The following LANCL2 variants were observed in gnomAD, a reference collection of about 807,000 sequenced individuals.
The protein encoded by LANCL2 is LanC like glutathione S-transferase 2.
Under a neutral mutation model 56.9 loss-of-function variants are expected in LANCL2, and 33 were observed. That is an observed-to-expected ratio of 0.58 (90% CI 0.44 to 0.78). The LOEUF is 0.78. Ranked by LOEUF, LANCL2 falls within the 30% of genes least tolerant of loss-of-function variation. The pLI is 0.00. For missense variants in LANCL2, 562 were observed against 580.2 expected (o/e 0.97, Z 0.32); for synonymous variants, 233 against 228.2 (o/e 1.02, Z -0.19).
chr7:55,377,255 T>C (rs1050612866), intron 1 of LANCL2, among the ~76,000 whole-genome samples: 1 of 152,226 alleles, frequency 6.6e-6, no homozygotes, highest in Non-Finnish European at 1.5e-5. Flanking sequence ...TATGTGTATA[T>C]GTTCTAGCAA....
intron 1 of LANCL2, among the ~76,000 whole-genome samples, chr7:55,374,172 C>G (rs553405963): frequency 2.0e-5 from 3 of 151,650 alleles, no homozygotes; most frequent in African/African-American, 7.3e-5. Context: ...TGTCACTTAA[C>G]AGTTTGTCCT....
intron 8 of LANCL2, among the ~76,000 whole-genome samples, chr7:55,430,952 C>T (rs1012993145): frequency 7.2e-5 from 11 of 152,204 alleles, no homozygotes; most frequent in Non-Finnish European, 1.0e-4. Context: ...ACTTCCATAG[C>T]GATTCTGTGA....
chr7:55,402,271 G>A (rs1442115077), intron 5 of LANCL2, among the ~76,000 whole-genome samples: 4 of 113,598 alleles, frequency 3.5e-5, no homozygotes, highest in African/African-American at 1.0e-4. Context: ...CCTCCCTCCC[G>A]GACGGGGCGG....
chr7:55,403,470 G>A (rs967914161), intron 5 of LANCL2, among the ~76,000 whole-genome samples: 2 of 152,052 alleles, frequency 1.3e-5, no homozygotes, highest in Admixed American at 1.3e-4. Flanking sequence ...GAGGGAGAGG[G>A]AGAGGAGGAG....
intron 2 of LANCL2, chr7:55,394,014 G>A (rs1790222218): frequency 2.0e-5 from 3 of 152,242 alleles, no homozygotes; most frequent in Middle Eastern, 3.4e-3. Context: ...TGATCGTTAG[G>A]TTCCAAACTG....
At chr7:55,425,566 C>A in intron 7 of LANCL2, 136 bp downstream of exon 7, 1 of 776,438 alleles carries the variant, frequency 1.3e-6, no homozygotes, top group Non-Finnish European at 2.1e-6. Context: ...TCTTCTGGCA[C>A]AGCCTTATCT....
chr7:55,415,621 C>CTTTTTTATTTTTTTTTTTTT (rs1790527240), intron 6 of LANCL2, among the ~76,000 whole-genome samples: 1 of 111,770 alleles, frequency 8.9e-6, no homozygotes, highest in African/African-American at 3.2e-5. Flanking sequence ...GTTTTTCTTT[C>CTTTTTTATTTTTTTTTTTTT]TTTTTTTTGA....
chr7:55,368,276 A>G lies in LANCL2; in HGVS notation c.204+2047A>G, dbSNP rs140764453. Among the ~76,000 whole-genome samples the G allele has an allele frequency of 2.8e-4, 43 of 152,328 alleles. 2 individuals carry two copies. Among genetic ancestry groups the G allele is most frequent in the African/African-American group, 1.0e-3 (42 of 41,578 alleles). Reference sequence around the variant, plus strand: ...CTGGATAAATGTGATTTTTGACCTCAGTTATATACCTGATTTATGTTGAAA... The same window carrying G: ...CTGGATAAATGTGATTTTTGACCTCGGTTATATACCTGATTTATGTTGAAA... On this transcript the variant is annotated intron_variant, in intron 1 of 8. Transcript: ENST00000254770.
chr7:55,399,632 C>T (rs1372480790), intron 3 of LANCL2, among the ~76,000 whole-genome samples: 2 of 152,130 alleles, frequency 1.3e-5, no homozygotes, highest in Non-Finnish European at 2.9e-5. Context: ...CGTGAGCCAC[C>T]GTGCCCGGCC....
intron 1 of LANCL2, among the ~76,000 whole-genome samples, chr7:55,380,495 C>T: frequency 6.6e-6 from 1 of 151,940 alleles, no homozygotes; most frequent in African/African-American, 2.4e-5. Flanking sequence ...GGAGGACTCC[C>T]TGTATAAAAC....
At chr7:55,415,541 C>G (rs1267978463) in intron 6 of LANCL2, among the ~76,000 whole-genome samples, 3 of 151,796 alleles carry the variant, frequency 2.0e-5, no homozygotes, top group Non-Finnish European at 1.5e-5. Flanking sequence ...TTTTTTTCCT[C>G]CTTACTCAAG....
chr7:55,366,046 G>T lies in LANCL2; in HGVS notation c.21G>T (p.Lys7Asn). 6 of 1,505,082 alleles carry T rather than the reference G, an allele frequency of 4.0e-6. No individual in the cohort carries two copies. The highest frequency in any genetic ancestry group is 5.3e-6 in the Non-Finnish European group (6 of 1,121,586). The allele number at this position is 1,505,082 out of a possible 1,614,324, so 93.2% of individuals were successfully genotyped here. Reference sequence around the variant, plus strand: ...CGGAGATGGGCGAGACCATGTCAAAGAGGCTGAAGCTCCACCTGGGAGGGG... The same window carrying T: ...CGGAGATGGGCGAGACCATGTCAAATAGGCTGAAGCTCCACCTGGGAGGGG... The part of the protein sequence containing the change: MGETMS[K>N]RLKLHLGGEA... Residue 7 changes from lysine (K) to asparagine (N), a missense_variant, in exon 1 of 9, where the codon AAG becomes AAT. By Grantham distance (94) the Lys-to-Asn change is moderately conservative. Coordinates refer to ENST00000254770, the MANE Select transcript of LANCL2 (RefSeq NM_018697.4).
intron 6 of LANCL2, among the ~76,000 whole-genome samples, chr7:55,414,175 A>G (rs550823231): frequency 2.0e-5 from 3 of 152,332 alleles, no homozygotes; most frequent in African/African-American, 7.2e-5. Context: ...AGTGTAGACT[A>G]AAGCTCTCTG....
rs561882807 is a variant in LANCL2 at position 55,366,711 on chromosome 7, G to A, written c.204+482G>A. Among the ~76,000 whole-genome samples, 4 of 152,242 alleles carry A rather than the reference G, an allele frequency of 2.6e-5. No individual in the cohort carries two copies. The East Asian group carries it at 5.8e-4, about 22-fold the overall frequency. On this transcript the variant is annotated intron_variant, in intron 1 of 8. Transcript: ENST00000254770. The stretch of plus-strand genomic sequence containing the variant: ...AAATGGGAAGCGGGTGTAAGGGGAG[G>A]CCAAACTTGACTTTCTTAGTGTCGC...
intron 5 of LANCL2, among the ~76,000 whole-genome samples, chr7:55,402,424 G>A (rs1476243382): frequency 2.4e-5 from 3 of 126,022 alleles, no homozygotes; most frequent in Non-Finnish European, 5.2e-5. Flanking sequence ...CCGGGCGGGG[G>A]GCTGACCCCA....
chr7:55,366,919 T>C (rs1355394603), intron 1 of LANCL2, among the ~76,000 whole-genome samples: 1 of 152,208 alleles, frequency 6.6e-6, no homozygotes. Context: ...TAATGGAAGA[T>C]GGAACTGCTT....
At chr7:55,410,557 A>G (rs1335033508) in intron 5 of LANCL2, among the ~76,000 whole-genome samples, 4 of 152,230 alleles carry the variant, frequency 2.6e-5, no homozygotes, top group Non-Finnish European at 5.9e-5. Flanking sequence ...GCAATATTTT[A>G]TTTCAGTTTT....
rs1264135423 is a variant in LANCL2, at chr7:55,380,914, C to T, written c.205-10879C>T. ...AGATGGTGTTTTGCTCTTTTTCGCC[C>T]AGGCTGGATTGCAGTGGTGCCATCT... On this transcript the variant is annotated intron_variant, in intron 1 of 8. Transcript: ENST00000254770. Among the ~76,000 whole-genome samples, 2 of 149,590 alleles carry T rather than the reference C, an allele frequency of 1.3e-5. 1 individual carries two copies. The highest frequency in any genetic ancestry group is 3.0e-5 in the Non-Finnish European group (2 of 67,572).
rs71031852 is a variant in LANCL2 at position 55,415,621 on chromosome 7, C to CTTTTTTTTTCTTTTTTTT, written c.1008+3540_1008+3541insTCTTTTTTTTTTTTTTTT. On this transcript the variant is annotated intron_variant, in intron 6 of 8. Coordinates refer to ENST00000254770, the MANE Select transcript of LANCL2 (RefSeq NM_018697.4). ...CCATAGTTTATCATTGTTTTTCTTTCTTTTTTTTGAGACACAGTGTCGCTC... is the reference window on the plus strand; with the variant it reads ...CCATAGTTTATCATTGTTTTTCTTTCTTTTTTTTTCTTTTTTTTTTTTTTTTGAGACACAGTGTCGCTC... 3.6e-5 allele frequency among the ~76,000 whole-genome samples: 4 copies of CTTTTTTTTTCTTTTTTTT among 111,770 alleles called. 1 individual carries two copies. The highest frequency in any genetic ancestry group is 7.4e-5 in the Non-Finnish European group (4 of 54,368). The allele number at this position is 111,770 out of a possible 152,430, so 73.3% of individuals were successfully genotyped here. A position where few individuals can be genotyped will look rare whatever the true frequency, so the allele number is the denominator to read the frequency against.
Sources: gnomAD v4.1 joint callset for allele counts (sites outside exome capture counted in the v4.1 genomes callset) on GRCh38, gnomAD v4.1.1 for gene constraint, MANE v1.5 for transcripts, NCBI Gene and HGNC (gene_info 2026-07-23, HGNC 2026-07-21) for gene names.